The following CDC42SE2 variants were observed in gnomAD, a reference collection of about 807,000 sequenced individuals.
CDC42SE2 encodes the protein CDC42 small effector protein 2.
CDC42SE2 carries 3 observed loss-of-function variants against 11.5 expected under a neutral mutation model. That is an observed-to-expected ratio of 0.26 (90% confidence interval 0.12 to 0.67). The LOEUF is 0.67. Among genes scored for constraint, CDC42SE2 ranks in the 30% least tolerant of loss-of-function variants. The pLI, the probability that CDC42SE2 is intolerant of heterozygous loss-of-function variation, is 0.80. For synonymous variants in CDC42SE2, 33 were observed against 34.8 expected, an observed-to-expected ratio of 0.95 and a Z score of 0.18; for missense variants, 82 against 106.8, an observed-to-expected ratio of 0.77 and a Z score of 1.02.
chr5:131,262,046 A>G (rs1322378510), upstream of CDC42SE2, among the ~76,000 whole-genome samples: 2 of 152,098 alleles, frequency 1.3e-5, no homozygotes, highest in African/African-American at 4.8e-5. Context: ...TACATAATGA[A>G]TACTACCCTT....
At chr5:131,358,433 A>G (rs539967280) in intron 2 of CDC42SE2, among the ~76,000 whole-genome samples, 1 of 152,208 alleles carries the variant, frequency 6.6e-6, no homozygotes, top group African/African-American at 2.4e-5. Context: ...ACCATCTTCC[A>G]CATGAGGTAT....
intron 2 of CDC42SE2, among the ~76,000 whole-genome samples, chr5:131,318,921 A>C (rs1025168350): frequency 1.3e-5 from 2 of 151,848 alleles, no homozygotes; most frequent in Non-Finnish European, 2.9e-5. Flanking sequence ...TTTCTTTTTG[A>C]GACAGAGTCT....
At chr5:131,320,531 C>T (rs1267220708) in intron 2 of CDC42SE2, among the ~76,000 whole-genome samples, 4 of 151,520 alleles carry the variant, frequency 2.6e-5, no homozygotes, top group Non-Finnish European at 4.4e-5. Flanking sequence ...CATTTGAGGT[C>T]AGGAGTTTGA....
chr5:131,350,731 T>G (rs1758987919), intron 2 of CDC42SE2, among the ~76,000 whole-genome samples: 1 of 151,916 alleles, frequency 6.6e-6, no homozygotes, highest in Admixed American at 6.6e-5. Flanking sequence ...GGCTTTTTTT[T>G]GGGTAGAAAT....
intron 1 of CDC42SE2, among the ~76,000 whole-genome samples, chr5:131,279,223 T>C (rs1757182895): frequency 6.6e-6 from 1 of 152,232 alleles, no homozygotes; most frequent in Non-Finnish European, 1.5e-5. Context: ...CATCTGATGA[T>C]TACTTCTAGA....
the CDC42SE2 span, among the ~76,000 whole-genome samples, chr5:131,238,032 C>CT: frequency 3.9e-3 from 1 of 254 alleles, no homozygotes; most frequent in Non-Finnish European, 8.9e-3. Context: ...TCTTTGTGAA[C>CT]CACTATCAGA....
intron 2 of CDC42SE2, among the ~76,000 whole-genome samples, chr5:131,324,336 A>G (rs1450717685): frequency 6.6e-6 from 1 of 152,044 alleles, no homozygotes; most frequent in East Asian, 1.9e-4. Flanking sequence ...TGCTGTCTTC[A>G]TTATATTTGG....
chr5:131,287,433 G>A (rs1014120482), intron 1 of CDC42SE2, among the ~76,000 whole-genome samples: 1 of 151,764 alleles, frequency 6.6e-6, no homozygotes, highest in African/African-American at 2.4e-5. Context: ...TGTTTCATTG[G>A]AAGTAAATGG....
At chr5:131,248,194 C>G (rs932582516) in intron 1 of CDC42SE2, among the ~76,000 whole-genome samples, 9 of 151,710 alleles carry the variant, frequency 5.9e-5, no homozygotes, top group African/African-American at 1.9e-4. Flanking sequence ...GGTTGGAATA[C>G]AGTGGCGCGA....
chr5:131,231,778 T>A, the CDC42SE2 span, among the ~76,000 whole-genome samples: 1 of 150,976 alleles, frequency 6.6e-6, no homozygotes, highest in Non-Finnish European at 1.5e-5. Context: ...ATTGTTATAC[T>A]TTTTTTTCTT....
intron 2 of CDC42SE2, among the ~76,000 whole-genome samples, chr5:131,345,665 CT>C (rs1226007811): frequency 6.6e-6 from 1 of 152,102 alleles, no homozygotes; most frequent in Admixed American, 6.6e-5. Context: ...AAAGATACTC[CT>C]CAAGAAGAGC....
chr5:131,360,218 T>C (rs1749669440), intron 3 of CDC42SE2, among the ~76,000 whole-genome samples: 1 of 152,160 alleles, frequency 6.6e-6, no homozygotes, highest in African/African-American at 2.4e-5. Flanking sequence ...CCTCCTGGGT[T>C]CAAGTGATTC....
chr5:131,280,446 ATTAC>A (rs950760392), intron 1 of CDC42SE2, among the ~76,000 whole-genome samples: 2 of 152,186 alleles, frequency 1.3e-5, no homozygotes, highest in Non-Finnish European at 2.9e-5. Context: ...ATTACTTTTT[ATTAC>A]TTCAGTTTGA....
chr5:131,298,408 C>CA (rs1192473418), intron 1 of CDC42SE2, among the ~76,000 whole-genome samples: 1 of 151,836 alleles, frequency 6.6e-6, no homozygotes, highest in Admixed American at 6.6e-5. Flanking sequence ...AGGCATGAGC[C>CA]ACCGCGCCCG....
chr5:131,243,019 G>T (rs1006880350), upstream of CDC42SE2, among the ~76,000 whole-genome samples: 1 of 152,186 alleles, frequency 6.6e-6, no homozygotes, highest in Non-Finnish European at 1.5e-5. Flanking sequence ...ACTTCCTGGA[G>T]CAATAAGCAC....
intron 1 of CDC42SE2, among the ~76,000 whole-genome samples, chr5:131,293,131 G>C (rs1042949646): frequency 1.3e-5 from 2 of 151,828 alleles, no homozygotes; most frequent in Non-Finnish European, 1.5e-5. Context: ...ATTCTAACCC[G>C]CAACGTGATG....
intron 2 of CDC42SE2, among the ~76,000 whole-genome samples, chr5:131,336,257 A>G (rs4277909): frequency 0.19 from 28,264 of 151,902 alleles, 6,802 homozygotes; most frequent in African/African-American, 0.56. Flanking sequence ...TGAAATGCTG[A>G]GTTGAAAATT....
intron 2 of CDC42SE2, among the ~76,000 whole-genome samples, chr5:131,341,834 G>A (rs1340619060): frequency 6.6e-6 from 1 of 151,864 alleles, no homozygotes; most frequent in Non-Finnish European, 1.5e-5. Flanking sequence ...GGTGGAGGTT[G>A]CAGTGAGCTG....
At chr5:131,389,023 A>G (rs1327777341) in intron 4 of CDC42SE2, among the ~76,000 whole-genome samples, 2 of 151,828 alleles carry the variant, frequency 1.3e-5, no homozygotes, top group African/African-American at 2.4e-5. Flanking sequence ...TTTTGTAGAG[A>G]TGGGGTTTCG....
Sources: allele counts gnomAD v4.1 joint callset (sites outside exome capture counted in the v4.1 genomes callset), GRCh38; gene constraint gnomAD v4.1.1; transcripts MANE v1.5; gene names NCBI Gene and HGNC (gene_info 2026-07-23, HGNC 2026-07-21).